Variants in BMERB1 observed in about 807,000 individuals in gnomAD.
BMERB1 encodes bMERB domain containing 1.
BMERB1 carries 12 observed loss-of-function variants against 23.6 expected under a neutral mutation model. The observed-to-expected ratio is 0.51, with a 90% confidence interval of 0.33 to 0.82. The LOEUF (loss-of-function observed/expected upper bound fraction) is 0.82. BMERB1 is among the 40% of genes least tolerant of loss of function. The pLI is 0.03. For synonymous variants in BMERB1, 122 were observed against 96.6 expected, an observed-to-expected ratio of 1.26 and a Z score of -1.54; for missense variants, 247 against 255.4, an observed-to-expected ratio of 0.97 and a Z score of 0.22.
chr16:15,582,974 C>G (rs577373768), intron 4 of BMERB1, among the ~76,000 whole-genome samples, 182 bp from the exon 5 acceptor site: 1 of 152,298 alleles, frequency 6.6e-6, no homozygotes, highest in African/African-American at 2.4e-5. Context: ...TGATATGTGT[C>G]TCTGGTTCAG....
chr16:15,440,965 A>G (rs940106288), intron 1 of BMERB1, among the ~76,000 whole-genome samples: 3 of 152,162 alleles, frequency 2.0e-5, no homozygotes, highest in African/African-American at 7.2e-5. Flanking sequence ...AGGAGGTGAC[A>G]TTTTGCTGTA....
chr16:15,494,376 A>T (rs1392112462), intron 1 of BMERB1, among the ~76,000 whole-genome samples: 1 of 152,076 alleles, frequency 6.6e-6, no homozygotes, highest in Non-Finnish European at 1.5e-5. Flanking sequence ...ATATGACAGC[A>T]TGGTTTGGTG....
At chr16:15,554,640 GA>G (rs925890070) in intron 2 of BMERB1, among the ~76,000 whole-genome samples, 38 of 131,886 alleles carry the variant, frequency 2.9e-4, no homozygotes, top group Admixed American at 6.9e-4. Flanking sequence ...CTCTAAAAAA[GA>G]AAAAAAAAAG....
At chr16:15,434,986 G>T (rs1468498908) in intron 1 of BMERB1, among the ~76,000 whole-genome samples, 3 of 152,258 alleles carry the variant, frequency 2.0e-5, no homozygotes, top group African/African-American at 7.2e-5. Flanking sequence ...GTTGGGAGAT[G>T]GCCAGGCAGC....
chr16:15,557,130 C>A (rs1402210122), intron 2 of BMERB1, among the ~76,000 whole-genome samples: 2 of 152,126 alleles, frequency 1.3e-5, no homozygotes, highest in African/African-American at 4.8e-5. Flanking sequence ...AGGGCCTGAT[C>A]ACCTCTCCGC....
At chr16:15,551,305 A>G (rs1469771906) in intron 2 of BMERB1, among the ~76,000 whole-genome samples, 1 of 152,072 alleles carries the variant, frequency 6.6e-6, no homozygotes, top group African/African-American at 2.4e-5. Flanking sequence ...TTGTGTATTT[A>G]CTGCAATGTA....
chr16:15,454,616 A>G lies in BMERB1; in HGVS notation c.106+19857A>G, dbSNP rs184607790. Among the ~76,000 whole-genome samples the G allele has an allele frequency of 6.6e-5, 10 of 152,294 alleles. No homozygotes were observed. The East Asian group carries it at 1.9e-3, about 29-fold the overall frequency. The stretch of plus-strand genomic sequence containing the variant: ...GAGACCAGCCTGGCCAACATGGTGA[A>G]ACCCCATCTCTACTAAAAATACAAA... On this transcript the variant is annotated intron_variant, in intron 1 of 5. Coordinates refer to ENST00000300006, the MANE Select transcript of BMERB1 (RefSeq NM_033201.3).
chr16:15,579,995 G>T (rs555527324), intron 3 of BMERB1, among the ~76,000 whole-genome samples: 21 of 152,250 alleles, frequency 1.4e-4, no homozygotes, highest in Middle Eastern at 6.8e-3. Flanking sequence ...GGCCATGGTG[G>T]CTTGCTGCAC....
At chr16:15,525,358 G>C (rs947759621) in intron 2 of BMERB1, among the ~76,000 whole-genome samples, 3 of 152,066 alleles carry the variant, frequency 2.0e-5, no homozygotes, top group African/African-American at 7.2e-5. Context: ...GCCACCTATA[G>C]ATCTTGGGAC....
intron 2 of BMERB1, among the ~76,000 whole-genome samples, chr16:15,544,990 T>G (rs1455486476): frequency 6.6e-6 from 1 of 152,102 alleles, no homozygotes; most frequent in Non-Finnish European, 1.5e-5. Context: ...TCTTTTTTTT[T>G]GAGACGGAGT....
At chr16:15,486,460 A>G (rs552979448) in intron 1 of BMERB1, among the ~76,000 whole-genome samples, 27 of 152,206 alleles carry the variant, frequency 1.8e-4, no homozygotes, top group African/African-American at 4.8e-4. Context: ...CTATTCTTCT[A>G]TCTCATGGGA....
chr16:15,434,752 G>C lies in BMERB1; in HGVS notation c.99G>C (p.Leu33=), dbSNP rs145422527. The C allele has an allele frequency of 3.6e-6, 5 of 1,396,178 alleles. No homozygotes were observed. In the East Asian group the frequency reaches 1.4e-4, roughly 38 times the overall value. The allele number at this position is 1,396,178 out of a possible 1,614,324, so 86.5% of individuals were successfully genotyped here. Reference sequence around the variant, plus strand: ...AGACGGCTTGGAAAACGGAGAGACTGGGGAGAAGTGAGTACTGGGGCGGGG... The same window carrying C: ...AGACGGCTTGGAAAACGGAGAGACTCGGGAGAAGTGAGTACTGGGGCGGGG... ...VEETAWKTER[L]GRNQLDIISM... is the part of the protein sequence containing the mutation. The change falls in exon 1 of 6, where the codon CTG becomes CTC. Residue 33 remains leucine, a synonymous_variant. Transcript: ENST00000300006.
intron 2 of BMERB1, among the ~76,000 whole-genome samples, chr16:15,524,493 C>T (rs1383280523): frequency 6.6e-6 from 1 of 152,070 alleles, no homozygotes; most frequent in South Asian, 2.1e-4. Flanking sequence ...TTAGTCTGGG[C>T]GCAGTGGCTC....
rs80006207 is a variant in BMERB1, at chr16:15,552,691, C to T, written c.231-15292C>T. Among the ~76,000 whole-genome samples, 961 of 152,146 alleles carry T rather than the reference C, an allele frequency of 6.3e-3. 12 individuals carry two copies. The highest frequency in any genetic ancestry group is 0.023 in the African/African-American group (939 of 41,398). On this transcript the variant is annotated intron_variant, in intron 2 of 5. Coordinates refer to ENST00000300006, the MANE Select transcript of BMERB1 (RefSeq NM_033201.3). ...TGGGGTGGGAAGAGCCCTGCTGTCT[C>T]GCCACATGGCCTTGGTAGCTGGCCT...
chr16:15,439,546 A>G (rs1482535752), intron 1 of BMERB1, among the ~76,000 whole-genome samples: 1 of 152,144 alleles, frequency 6.6e-6, no homozygotes, highest in East Asian at 1.9e-4. Flanking sequence ...ATGATTCTGT[A>G]CATACTGCCT....
At chr16:15,578,562 G>T (rs545786991) in intron 3 of BMERB1, among the ~76,000 whole-genome samples, 34 of 152,252 alleles carry the variant, frequency 2.2e-4, no homozygotes, top group Non-Finnish European at 3.7e-4. Context: ...AACTTTGGGG[G>T]TGCCTTAGTC....
intron 1 of BMERB1, among the ~76,000 whole-genome samples, chr16:15,462,447 T>C (rs2051144495): frequency 6.6e-6 from 1 of 152,104 alleles, no homozygotes; most frequent in African/African-American, 2.4e-5. Context: ...CCACCACACC[T>C]GGCCTGCATT....
chr16:15,506,545 G>A (rs978050719), intron 1 of BMERB1, among the ~76,000 whole-genome samples: 4 of 151,736 alleles, frequency 2.6e-5, no homozygotes, highest in South Asian at 2.1e-4. Flanking sequence ...CTGACCTCTC[G>A]GCCTTCCAGA....
intron 1 of BMERB1, among the ~76,000 whole-genome samples, chr16:15,486,844 C>A (rs1473386345): frequency 2.6e-5 from 4 of 152,114 alleles, no homozygotes; most frequent in Non-Finnish European, 5.9e-5. Context: ...AATTACTTAA[C>A]CTGTCTCTGT....
Sources: allele counts gnomAD v4.1 joint callset (sites outside exome capture counted in the v4.1 genomes callset), GRCh38; gene constraint gnomAD v4.1.1; transcripts MANE v1.5; gene names NCBI Gene and HGNC (gene_info 2026-07-23, HGNC 2026-07-21).